The following POLQ variants were observed in gnomAD, a reference collection of about 807,000 sequenced individuals.
POLQ encodes DNA polymerase theta.
Under a neutral mutation model 259.2 loss-of-function variants are expected in POLQ, and 233 were observed. That is an observed-to-expected ratio of 0.90 (90% CI 0.81 to 1.00). POLQ has a LOEUF of 1.00. POLQ is among the 50% of genes least tolerant of loss of function. The probability of loss-of-function intolerance (pLI) is 0.00; values close to 1 mark genes in which losing one functional copy is unlikely to be tolerated. For synonymous variants in POLQ, 1,025 were observed against 1,048.8 expected (o/e 0.98, Z 0.44); for missense variants, 2,871 against 3,051.6 (o/e 0.94, Z 1.39).
intron 2 of POLQ, among the ~76,000 whole-genome samples, chr3:121,542,310 A>T (rs2048496222): frequency 1.3e-5 from 2 of 152,182 alleles, no homozygotes; most frequent in African/African-American, 4.8e-5. Context: ...GAATCACATG[A>T]ACCCAGGAAG....
intron 1 of POLQ, 47 bp downstream of exon 1, chr3:121,545,668 G>A (rs1175892744): frequency 6.7e-7 from 1 of 1,503,280 alleles, no homozygotes; most frequent in Admixed American, 2.0e-5. Context: ...CCCATGGCCC[G>A]GCGGAGCTGC....
rs1560092974 is a variant in POLQ, at chr3:121,473,499, T to A, written c.6406-12A>T. 3 of 1,603,854 alleles carry A rather than the reference T, an allele frequency of 1.9e-6. No individual in the cohort carries two copies. The highest frequency in any genetic ancestry group is 2.6e-6 in the Non-Finnish European group (3 of 1,173,734). On this transcript the variant is annotated splice_polypyrimidine_tract_variant and intron_variant, in intron 20 of 29. Coordinates refer to ENST00000264233, the MANE Select transcript of POLQ (RefSeq NM_199420.4). ...TCCAAAAATAAAACCTGCAAGAAATTAATGTCTCTTTAGTCAAGAATGAAA... is the reference window on the plus strand; with the variant it reads ...TCCAAAAATAAAACCTGCAAGAAATAAATGTCTCTTTAGTCAAGAATGAAA...
intron 12 of POLQ, among the ~76,000 whole-genome samples, chr3:121,507,050 T>A (rs561255252): frequency 6.6e-6 from 1 of 152,196 alleles, no homozygotes; most frequent in Non-Finnish European, 1.5e-5. Context: ...GTATGTCTGA[T>A]AATTTCTGTA....
chr3:121,520,527 AAAC>A lies in POLQ; in HGVS notation c.1256-447_1256-445del, dbSNP rs557157837. On this transcript the variant is annotated intron_variant, in intron 8 of 29. Coordinates refer to ENST00000264233, the MANE Select transcript of POLQ (RefSeq NM_199420.4). ...CTCCAGCCTGGGCAACAGAGCGAGA[AAAC>A]AACAACAACAATAACAAAAAAAGAG... 3.6e-3 allele frequency among the ~76,000 whole-genome samples: 553 copies of A among 151,948 alleles called. 2 individuals carry two copies. The highest frequency in any genetic ancestry group is 0.013 in the African/African-American group (521 of 41,500).
At chr3:121,539,082 A>G (rs1240168758) in intron 4 of POLQ, among the ~76,000 whole-genome samples, 1 of 152,202 alleles carries the variant, frequency 6.6e-6, no homozygotes, top group East Asian at 1.9e-4. Context: ...GAATATAATA[A>G]CAAAAACCCA....
In POLQ at chr3:121,488,948, G is replaced by A. The variant is rs200227584; in HGVS notation, c.3983C>T (p.Ser1328Leu). ...FEDSFYLDTQ[S>L]EKIIQQMATE... ...TGCCATCTGTTGTATTATTTTCTCT[G>A]ACTGAGTATCCAGATAGAAACTATC... Residue 1328 changes from serine to leucine, a missense_variant, in exon 16 of 30, where the codon TCA (serine) becomes TTA (leucine). Physicochemically the swap from Ser to Leu is moderately radical, Grantham distance 145. Transcript: ENST00000264233. 45 of 1,613,772 alleles carry A rather than the reference G, an allele frequency of 2.8e-5. No individual in the cohort carries two copies. The highest frequency in any genetic ancestry group is 3.3e-5 in the Non-Finnish European group (39 of 1,179,822).
At chr3:121,441,338 AC>A (rs1342217442) in intron 26 of POLQ, among the ~76,000 whole-genome samples, 2 of 152,040 alleles carry the variant, frequency 1.3e-5, no homozygotes, top group Non-Finnish European at 2.9e-5. Context: ...AAATATACAC[AC>A]CCCTGCAGCT....
intron 25 of POLQ, among the ~76,000 whole-genome samples, chr3:121,457,846 T>A (rs1252645220): frequency 5.3e-5 from 8 of 152,146 alleles, no homozygotes; most frequent in Non-Finnish European, 8.8e-5. Flanking sequence ...AGGGATCTAG[T>A]ACTAGAAATA....
intron 26 of POLQ, among the ~76,000 whole-genome samples, chr3:121,447,506 C>T (rs1003520887): frequency 1.3e-5 from 2 of 152,052 alleles, no homozygotes; most frequent in African/African-American, 4.8e-5. Context: ...TCGTATTGTA[C>T]TGCCAGTGTC....
chr3:121,522,389 G>GCTA (rs769970441), intron 7 of POLQ, among the ~76,000 whole-genome samples: 22 of 135,272 alleles, frequency 1.6e-4, no homozygotes, highest in Non-Finnish European at 2.9e-4. Flanking sequence ...TCGGCTCACT[G>GCTA]CAAGCTCCGC....
At chr3:121,472,409 A>G (rs1304673488) in intron 21 of POLQ, among the ~76,000 whole-genome samples, 3 of 152,180 alleles carry the variant, frequency 2.0e-5, no homozygotes, top group Non-Finnish European at 4.4e-5. Flanking sequence ...AAATAAATGA[A>G]TTGTCAGTTT....
chr3:121,521,541 T>C (rs2048336247), intron 8 of POLQ: 1 of 152,374 alleles, frequency 6.6e-6, no homozygotes, highest in African/African-American at 2.4e-5. Flanking sequence ...GACTACTATA[T>C]AGAAATAAGT....
Position 121,509,929 on chromosome 3 carries a change from T to C in POLQ, c.1816+110A>G. 6 of 991,620 alleles carry C rather than the reference T, an allele frequency of 6.1e-6. No individual in the cohort carries two copies. In the South Asian group the frequency reaches 9.4e-5, roughly 16 times the overall value. 61.4% of individuals were successfully genotyped at this position (991,620 alleles called of 1,614,324 possible). A position where few individuals can be genotyped will look rare whatever the true frequency, so the allele number is the denominator to read the frequency against. ...ATGAGTTGATACACTGCTCAAAAAA[T>C]CAAATTCCTTTTATACTACATGAAA... On this transcript the variant is annotated intron_variant, in intron 11 of 29. Transcript: ENST00000264233.
rs544117810 is a variant in POLQ at position 121,519,874 on chromosome 3, C to G, written c.1465G>C (p.Val489Leu). ...GRAGRKGVDT[V>L]GESILICKNS... ...AATTAAATTCAAACTCACTTACCTA[C>G]TGTGTCCACTCCTTTCCTGCCAGCA... Residue 489 changes from valine to leucine, a missense_variant, in exon 9 of 30, where the codon GTA becomes CTA. By Grantham distance (32) the Val-to-Leu change is conservative. This residue lies in a region of POLQ where 783 missense variants were observed against 906.2 expected (regional missense o/e 0.86). Transcript: ENST00000264233. 2,349 of 1,504,768 alleles carry G rather than the reference C, an allele frequency of 1.6e-3. 45 individuals are homozygous for G. In the South Asian group the frequency reaches 0.025, roughly 16 times the overall value. The allele number at this position is 1,504,768 out of a possible 1,614,324, so 93.2% of individuals were successfully genotyped here.
intron 9 of POLQ, among the ~76,000 whole-genome samples, chr3:121,513,188 G>T (rs1309032790): frequency 1.3e-5 from 2 of 151,574 alleles, no homozygotes; most frequent in Non-Finnish European, 2.9e-5. Flanking sequence ...GCAAAGAGAA[G>T]GTACAGATTA....
intron 24 of POLQ, among the ~76,000 whole-genome samples, chr3:121,466,298 A>C (rs1299272459): frequency 6.6e-6 from 1 of 150,468 alleles, no homozygotes; most frequent in Admixed American, 6.6e-5. Flanking sequence ...AAAAAAAAAA[A>C]CTGATTCATG....
chr3:121,500,176 G>C (rs2048155537), intron 12 of POLQ, among the ~76,000 whole-genome samples: 1 of 152,110 alleles, frequency 6.6e-6, no homozygotes, highest in East Asian at 1.9e-4. Flanking sequence ...CAGCTACTTG[G>C]GAGGCTGAAG....
In POLQ at chr3:121,432,918, C is replaced by T. The variant is rs2047508209; in HGVS notation, c.7659G>A (p.Gln2553=). Residue 2553 remains glutamine, a splice_region_variant and synonymous_variant, in exon 29 of 30, where the codon CAG becomes CAA. Coordinates refer to ENST00000264233, the MANE Select transcript of POLQ (RefSeq NM_199420.4). ...ATGGACACAAGCATTGCAAAAATAC[C>T]TGAACAACATCTTCTTCTGCCACTT... ...LYEVAEEDVV[Q]VAQIVKNEME... 6.5e-7 allele frequency: 1 copy of T among 1,544,354 alleles called. No individual in the cohort carries two copies. Among genetic ancestry groups the T allele is most frequent in the Non-Finnish European group, 9.0e-7 (1 of 1,116,802 alleles).
chr3:121,458,233 T>G (rs1172952266), intron 25 of POLQ, among the ~76,000 whole-genome samples: 1 of 151,702 alleles, frequency 6.6e-6, no homozygotes, highest in African/African-American at 2.4e-5. Context: ...TGGGGACTGT[T>G]GTGTGGTGGG....
Sources: allele counts gnomAD v4.1 joint callset (sites outside exome capture counted in the v4.1 genomes callset), GRCh38; gene constraint gnomAD v4.1.1; regional missense constraint gnomAD v4.1.1; transcripts MANE v1.5; gene names NCBI Gene and HGNC (gene_info 2026-07-23, HGNC 2026-07-21).